GCAT: variants seen among roughly 807,000 people sequenced by gnomAD.
GCAT encodes the protein glycine C-acetyltransferase.
A neutral mutation model predicts 39.7 loss-of-function variants in GCAT; 26 were observed. The ratio of observed to expected loss-of-function variants is 0.65; its 90% CI spans 0.48 to 0.91. The LOEUF is 0.91. GCAT is among the 40% of genes least tolerant of loss of function. The pLI, the probability that GCAT is intolerant of heterozygous loss-of-function variation, is 0.00. For synonymous variants in GCAT, 218 were observed against 237.2 expected (o/e 0.92, Z 0.74); for missense variants, 550 against 576.2 (o/e 0.95, Z 0.47).
At position 37,815,099 on chromosome 22, in the gene GCAT, C is replaced by T. The variant is rs202205326; in HGVS notation, c.577-27C>T. 7 of 1,609,998 alleles carry T rather than the reference C, an allele frequency of 4.3e-6. No individual in the cohort carries two copies. In the Admixed American group the frequency reaches 6.7e-5, roughly 15 times the overall value. On this transcript the variant is annotated intron_variant, in intron 4 of 8. Transcript: ENST00000248924. ...TGGTTTGGCCCAACTTGACACCACC[C>T]ACCATCTGCTCATGTCTTTCCTGCA...
intron 2 of GCAT, among the ~76,000 whole-genome samples, chr22:37,811,387 A>C (rs980672258): frequency 6.7e-6 from 1 of 149,592 alleles, no homozygotes; most frequent in Non-Finnish European, 1.5e-5. Context: ...AGGCTGAGGC[A>C]GGAGAATCGC....
Position 37,815,430 on chromosome 22 carries a change from G to C in GCAT, c.744G>C (p.Glu248Asp), listed in dbSNP as rs1261341317. The C allele has an allele frequency of 4.3e-6, 7 of 1,610,540 alleles. No homozygotes were observed. The highest frequency in any genetic ancestry group is 5.9e-6 in the Non-Finnish European group (7 of 1,178,846). The change falls in exon 6 of 9, where the codon GAG becomes GAC. Residue 248 changes from glutamate to aspartate, a missense_variant. By Grantham distance (45) the Glu-to-Asp change is conservative. This residue lies in a region of GCAT where 378 missense variants were observed against 390.4 expected (regional missense o/e 0.97). Coordinates refer to ENST00000248924, the MANE Select transcript of GCAT (RefSeq NM_014291.4). Reference protein sequence around the residue: ...FLGPTGRGTDELLGVMDQVTI... With the variant: ...FLGPTGRGTDDLLGVMDQVTI... Reference sequence around the variant, plus strand: ...GCTTCCCTTGCAGGGGCACAGATGAGCTGCTGGGTGTGATGGACCAGGTCA... The same window carrying C: ...GCTTCCCTTGCAGGGGCACAGATGACCTGCTGGGTGTGATGGACCAGGTCA...
chr22:37,813,280 A>AG (rs1266388337), intron 3 of GCAT, 183 bp from the exon 4 acceptor site: 7 of 729,776 alleles, frequency 9.6e-6, no homozygotes, highest in Admixed American at 2.0e-5. Context: ...TTACTAGAGC[A>AG]GGGCGCTGGT....
chr22:37,810,092 G>C lies in GCAT; in HGVS notation c.262G>C (p.Gly88Arg), dbSNP rs1222833485. 1 of 1,614,190 alleles carries C rather than the reference G, an allele frequency of 6.2e-7. No individual in the cohort carries two copies. Among genetic ancestry groups the C allele is most frequent in the Admixed American group, 1.7e-5 (1 of 60,036 alleles). Residue 88 changes from glycine (G) to arginine (R), a missense_variant, in exon 2 of 9, where the codon GGT (glycine) becomes CGT (arginine). By Grantham distance (125) the Gly-to-Arg change is moderately radical (BLOSUM62 -2). Transcript: ENST00000248924. ...CAGCCACCCTGAGGTGATCCAGGCA[G>C]GTCTGCAGGCTCTGGAGGAGTTTGG... The part of the protein sequence containing the change: ...LSSHPEVIQA[G>R]LQALEEFGAG...
chr22:37,817,122 T>G, downstream of GCAT: 1 of 182,132 alleles, frequency 5.5e-6, no homozygotes, highest in Non-Finnish European at 1.2e-5. Flanking sequence ...GTCGGGAGTT[T>G]GAGACCAGCC....
chr22:37,809,899 C>A, intron 1 of GCAT, 128 bp from the exon 2 acceptor site: 2 of 1,223,140 alleles, frequency 1.6e-6, no homozygotes, highest in Non-Finnish European at 2.4e-6. Flanking sequence ...AATTTGGTGC[C>A]TCCTCAATGG....
At chr22:37,816,021 C>T in intron 7 of GCAT, 179 bp from the exon 8 acceptor site, 1 of 446,804 alleles carries the variant, frequency 2.2e-6, no homozygotes, top group Non-Finnish European at 3.0e-6. Flanking sequence ...CCTGTCTTTC[C>T]ACCTCCCTTG....
At chr22:37,813,244 C>G (rs1921789942) in intron 3 of GCAT, 1 of 690,614 alleles carries the variant, frequency 1.4e-6, no homozygotes, top group Admixed American at 2.1e-5. Flanking sequence ...GGGCCTGGTA[C>G]TCACCAAATA....
Position 37,811,757 on chromosome 22 carries a change from G to A in GCAT, c.328-1130G>A, listed in dbSNP as rs1921619215. Among the ~76,000 whole-genome samples, 4 of 150,124 alleles carry A rather than the reference G, an allele frequency of 2.7e-5. No individual in the cohort carries two copies. The South Asian group carries it at 6.3e-4, about 24-fold the overall frequency. On this transcript the variant is annotated intron_variant, in intron 2 of 8. Coordinates refer to ENST00000248924, the MANE Select transcript of GCAT (RefSeq NM_014291.4). ...TGGCCAACATGGTGAAACCCTGTCT[G>A]TGCTAAAAATACAAAAATTAGCTGG...
chr22:37,810,187 G>A (rs879004843), intron 2 of GCAT, 30 bp downstream of exon 2: 1 of 1,502,368 alleles, frequency 6.7e-7, no homozygotes, highest in Non-Finnish European at 9.3e-7. Flanking sequence ...GGGTTGTGGG[G>A]ACTGACCCCA....
At chr22:37,816,961 A>G, downstream of GCAT, 2 of 492,164 alleles carry the variant, frequency 4.1e-6, no homozygotes, top group Non-Finnish European at 7.4e-6. Flanking sequence ...AGAATCAGGC[A>G]GGAGCCAGGG....
At chr22:37,815,901 C>T in intron 7 of GCAT, 67 bp downstream of exon 7, 2 of 1,569,484 alleles carry the variant, frequency 1.3e-6, no homozygotes, top group Non-Finnish European at 1.7e-6. Flanking sequence ...CATGTGTCTG[C>T]CCAGGCCCAC....
At chr22:37,808,345 G>C (rs1321811147) in intron 1 of GCAT, among the ~76,000 whole-genome samples, 182 bp downstream of exon 1, 1 of 152,234 alleles carries the variant, frequency 6.6e-6, no homozygotes, top group East Asian at 1.9e-4. Flanking sequence ...TTGACGGAGG[G>C]AGGCGATTTG....
chr22:37,812,561 A>C (rs1337458158), intron 2 of GCAT, among the ~76,000 whole-genome samples: 1 of 152,206 alleles, frequency 6.6e-6, no homozygotes, highest in African/African-American at 2.4e-5. Context: ...TTTCTTCACC[A>C]TTAGGCGACC....
Position 37,813,443 on chromosome 22 carries a change from C to G in GCAT, c.430-20C>G. 1.3e-6 allele frequency: 2 copies of G among 1,578,192 alleles called. No individual in the cohort carries two copies. The highest frequency in any genetic ancestry group is 1.7e-6 in the Non-Finnish European group (2 of 1,161,534). On this transcript the variant is annotated intron_variant, in intron 3 of 8. Coordinates refer to ENST00000248924, the MANE Select transcript of GCAT (RefSeq NM_014291.4). ...CCAGGGTGGTTAAATGATGGCTCTA[C>G]GCTCACTGCCTCCCTCCAGGCCCTG...
chr22:37,810,850 C>T (rs1921510521), intron 2 of GCAT, among the ~76,000 whole-genome samples: 1 of 152,098 alleles, frequency 6.6e-6, no homozygotes, highest in Non-Finnish European at 1.5e-5. Context: ...GGGGTTTCAC[C>T]ATGTTGGCCA....
Position 37,810,027 on chromosome 22 carries a change from G to A in GCAT, c.197G>A (p.Gly66Glu). The A allele has an allele frequency of 1.2e-6, 2 of 1,613,966 alleles. No individual in the cohort carries two copies. Among genetic ancestry groups the A allele is most frequent in the Non-Finnish European group, 1.7e-6 (2 of 1,179,894 alleles). Reference sequence around the variant, plus strand: ...ATCCATCTCCTCTCCTTCACCTCAGGAATCCTTAACTTCTGTGCCAACAAC... The same window carrying A: ...ATCCATCTCCTCTCCTTCACCTCAGAAATCCTTAACTTCTGTGCCAACAAC... ...PHIRVDGVSG[G>E]ILNFCANNYL... The change falls in exon 2 of 9, where the codon GGA (glycine) becomes GAA (glutamate). Residue 66 changes from glycine to glutamate, a missense_variant and splice_region_variant. By Grantham distance (98) the Gly-to-Glu change is moderately conservative. Transcript: ENST00000248924.
chr22:37,814,660 C>A (rs1921962829), intron 4 of GCAT, among the ~76,000 whole-genome samples: 1 of 152,078 alleles, frequency 6.6e-6, no homozygotes, highest in Non-Finnish European at 1.5e-5. Context: ...CCATACCCAG[C>A]CAGTTTTTAA....
At chr22:37,813,752 AC>A in intron 4 of GCAT, 143 bp downstream of exon 4, 2 of 710,796 alleles carry the variant, frequency 2.8e-6, no homozygotes, top group Non-Finnish European at 4.5e-6. Context: ...GATCCCTCAC[AC>A]CCAGAGCATT....
Sources: gnomAD v4.1 joint callset for allele counts (sites outside exome capture counted in the v4.1 genomes callset) on GRCh38, gnomAD v4.1.1 for gene constraint, gnomAD v4.1.1 regional missense constraint, MANE v1.5 for transcripts, NCBI Gene and HGNC (gene_info 2026-07-23, HGNC 2026-07-21) for gene names.